Variants in CNPY1 observed in about 807,000 individuals in gnomAD.
The protein encoded by CNPY1 is canopy FGF signaling regulator 1, also known as protein canopy homolog 1.
In CNPY1, 14 loss-of-function variants were observed where a neutral mutation model predicts 14.4. That is an observed-to-expected ratio of 0.97 (90% CI 0.64 to 1.52). The LOEUF (loss-of-function observed/expected upper bound fraction) is 1.52, where lower values mean the gene tolerates loss of function less well. Among genes scored for constraint, CNPY1 ranks in the 40% most tolerant of loss-of-function variants. The pLI, the probability that CNPY1 is intolerant of heterozygous loss-of-function variation, is 0.00. For missense variants in CNPY1, 129 were observed against 131.5 expected (o/e 0.98, Z 0.09); for synonymous variants, 43 against 46.5 (o/e 0.92, Z 0.31).
chr7:155,539,917 C>G (rs1368170502), intron 2 of CNPY1, among the ~76,000 whole-genome samples: 1 of 152,078 alleles, frequency 6.6e-6, no homozygotes, highest in Non-Finnish European at 1.5e-5. Flanking sequence ...CTGAATAGGA[C>G]CAGCAAGTTA....
At chr7:155,506,933 G>C (rs1216344408) in intron 4 of CNPY1, 87 bp downstream of exon 4, 12 of 855,860 alleles carry the variant, frequency 1.4e-5, no homozygotes, top group South Asian at 1.3e-4. Context: ...AGGCAGCGAG[G>C]CTCGGTCTGC....
At chr7:155,504,439 G>A (rs1266142855) in intron 4 of CNPY1, among the ~76,000 whole-genome samples, 1 of 151,876 alleles carries the variant, frequency 6.6e-6, no homozygotes, top group East Asian at 1.9e-4. Context: ...TTGCCAGCAT[G>A]TGATTATTAT....
At chr7:155,543,458 A>G (rs1190387023) in intron 2 of CNPY1, among the ~76,000 whole-genome samples, 1 of 152,234 alleles carries the variant, frequency 6.6e-6, no homozygotes, top group African/African-American at 2.4e-5. Flanking sequence ...GAATTTGGCC[A>G]AGTAGCCTGC....
intron 2 of CNPY1, among the ~76,000 whole-genome samples, chr7:155,532,375 C>T (rs1219855061): frequency 3.9e-5 from 6 of 152,094 alleles, no homozygotes. Context: ...GTACTCCCAG[C>T]ACTTTGGGAG....
At chr7:155,512,849 A>C (rs1344780168) in intron 2 of CNPY1, among the ~76,000 whole-genome samples, 1 of 152,248 alleles carries the variant, frequency 6.6e-6, no homozygotes, top group Admixed American at 6.5e-5. Flanking sequence ...AGTGACTGAT[A>C]ATTAATTTCA....
At chr7:155,544,623 G>T (rs956185454) in intron 2 of CNPY1, among the ~76,000 whole-genome samples, 6 of 152,204 alleles carry the variant, frequency 3.9e-5, no homozygotes, top group African/African-American at 1.4e-4. Flanking sequence ...GCTCCCGGCT[G>T]GTGTCAGGGA....
At chr7:155,529,039 T>A (rs1180952318) in intron 2 of CNPY1, among the ~76,000 whole-genome samples, 1 of 147,176 alleles carries the variant, frequency 6.8e-6, no homozygotes, top group Non-Finnish European at 1.5e-5. Flanking sequence ...CCAGCCTGGG[T>A]GACAGAGCGA....
chr7:155,530,841 A>C (rs1408135973), intron 2 of CNPY1, among the ~76,000 whole-genome samples: 2 of 152,160 alleles, frequency 1.3e-5, no homozygotes, highest in Non-Finnish European at 2.9e-5. Flanking sequence ...CACCCACTGC[A>C]TACCAGGAGC....
chr7:155,506,978 G>T, intron 4 of CNPY1, 42 bp downstream of exon 4: 1 of 1,276,394 alleles, frequency 7.8e-7, no homozygotes. Flanking sequence ...GAGAGAGAGA[G>T]GGTGTGCGAG....
At chr7:155,513,888 G>T (rs777932374) in intron 2 of CNPY1, among the ~76,000 whole-genome samples, 47 of 152,308 alleles carry the variant, frequency 3.1e-4, no homozygotes, top group Non-Finnish European at 4.7e-4. Context: ...TATTCTGCCA[G>T]TTTGAAAAAT....
chr7:155,528,053 G>A (rs1796861956), intron 2 of CNPY1, among the ~76,000 whole-genome samples: 4 of 152,184 alleles, frequency 2.6e-5, no homozygotes, highest in South Asian at 2.1e-4. Context: ...ATCCTGCATC[G>A]TTGTAGAGAA....
At chr7:155,532,330 G>A (rs1796950738) in intron 2 of CNPY1, among the ~76,000 whole-genome samples, 2 of 152,132 alleles carry the variant, frequency 1.3e-5, no homozygotes, top group Non-Finnish European at 2.9e-5. Context: ...TTAGAAGGAG[G>A]ACCCCAGATG....
chr7:155,530,296 CT>C (rs11386824), intron 2 of CNPY1, among the ~76,000 whole-genome samples: 10 of 96,944 alleles, frequency 1.0e-4, no homozygotes, highest in Non-Finnish European at 9.4e-5. Flanking sequence ...CCAGCAGGGT[CT>C]TTTTTTTTTT....
intron 4 of CNPY1, among the ~76,000 whole-genome samples, chr7:155,506,401 T>G (rs1054103787): frequency 6.6e-6 from 1 of 152,234 alleles, no homozygotes; most frequent in Non-Finnish European, 1.5e-5. Flanking sequence ...CTTTGTATAT[T>G]ATAAATAAAA....
At chr7:155,521,281 C>T (rs866284906) in intron 2 of CNPY1, among the ~76,000 whole-genome samples, 1 of 152,122 alleles carries the variant, frequency 6.6e-6, no homozygotes, top group African/African-American at 2.4e-5. Flanking sequence ...GAGCTCTGTG[C>T]GAAGGACTGA....
At position 155,539,722 on chromosome 7, in the gene CNPY1, G is replaced by C. The variant is rs1223122399; in HGVS notation, c.99+6109C>G. On this transcript the variant is annotated intron_variant, in intron 2 of 4. Transcript: ENST00000636446. ...AGCAGACAAACATTCATGTGTGTTA[G>C]CATGGGAGCCATATGAAATATGAGA... 4.3e-4 allele frequency among the ~76,000 whole-genome samples: 66 copies of C among 152,364 alleles called. 1 individual carries two copies. The highest frequency in any genetic ancestry group is 1.5e-3 in the African/African-American group (63 of 41,580).
intron 2 of CNPY1, among the ~76,000 whole-genome samples, chr7:155,538,852 A>AC (rs1797053270): frequency 6.6e-6 from 1 of 151,992 alleles, no homozygotes; most frequent in South Asian, 2.1e-4. Flanking sequence ...TGGCGTTCAC[A>AC]CTGGCGGCTG....
At chr7:155,508,508 C>A (rs1450537299) in intron 3 of CNPY1, among the ~76,000 whole-genome samples, 1 of 152,192 alleles carries the variant, frequency 6.6e-6, no homozygotes, top group African/African-American at 2.4e-5. Context: ...TATGTGGAAA[C>A]CTGTGAGAGA....
rs571797945 is a variant in CNPY1 at position 155,510,002 on chromosome 7, C to A, written c.100-905G>T. Among the ~76,000 whole-genome samples, 24 of 152,278 alleles carry A rather than the reference C, an allele frequency of 1.6e-4. No individual in the cohort carries two copies. The South Asian group carries it at 5.0e-3, about 32-fold the overall frequency. ...AGCCGCCAAGGGCGCCGGACCGCGC[C>A]GCAGCCCGGGCCTTTGCGGGCTTTT... On this transcript the variant is annotated intron_variant, in intron 2 of 4. Coordinates refer to ENST00000636446, the MANE Select transcript of CNPY1 (RefSeq NM_001393663.1).
Sources: gnomAD v4.1 joint callset for allele counts (sites outside exome capture counted in the v4.1 genomes callset) on GRCh38, gnomAD v4.1.1 for gene constraint, MANE v1.5 for transcripts, NCBI Gene and HGNC (gene_info 2026-07-23, HGNC 2026-07-21) for gene names.